Variants in FRMPD4 observed in about 807,000 individuals in gnomAD.
The protein encoded by FRMPD4 is FERM and PDZ domain-containing protein 4.
Under a neutral mutation model 94.1 loss-of-function variants are expected in FRMPD4, and 22 were observed. The ratio of observed to expected loss-of-function variants is 0.23; its 90% CI spans 0.17 to 0.33. The LOEUF (loss-of-function observed/expected upper bound fraction) is 0.33, where lower values mean the gene tolerates loss of function less well. Ranked by LOEUF, FRMPD4 falls within the 10% of genes least tolerant of loss-of-function variation. The pLI is 1.00. For synonymous variants in FRMPD4, 631 were observed against 548.6 expected (o/e 1.15, Z -2.10); for missense variants, 1,111 against 1,339.9 (o/e 0.83, Z 2.67).
chrX:12,156,493 T>C (rs1232180514), intron 1 of FRMPD4, among the ~76,000 whole-genome samples: 1 of 111,670 alleles, frequency 9.0e-6, no homozygotes, highest in Non-Finnish European at 1.9e-5. Flanking sequence ...ACGGACTGAT[T>C]CATCGGCTGG....
intron 2 of FRMPD4, among the ~76,000 whole-genome samples, chrX:11,874,070 G>A (rs2053769807): frequency 8.9e-6 from 1 of 111,837 alleles, no homozygotes; most frequent in Admixed American, 9.4e-5. Flanking sequence ...AAACAAAACA[G>A]GATGGTTGTG....
intron 4 of FRMPD4, among the ~76,000 whole-genome samples, chrX:12,672,880 G>A (rs184154098): frequency 8.9e-5 from 10 of 111,954 alleles, no homozygotes; most frequent in Non-Finnish European, 1.3e-4. Flanking sequence ...AATGATGATC[G>A]ATATCCTGCT....
intron 1 of FRMPD4, among the ~76,000 whole-genome samples, chrX:12,437,606 T>G (rs1028858321): frequency 4.5e-5 from 5 of 111,632 alleles, no homozygotes; most frequent in African/African-American, 1.6e-4. Context: ...CCTCAGAACT[T>G]TTTCAGTTTT....
intron 2 of FRMPD4, among the ~76,000 whole-genome samples, chrX:12,545,620 G>C (rs1422906317): frequency 8.9e-6 from 1 of 112,815 alleles, no homozygotes. Context: ...GCCAGGCTGG[G>C]GGGATGGGCT....
intron 3 of FRMPD4, among the ~76,000 whole-genome samples, chrX:11,915,148 C>T (rs2054018016): frequency 8.9e-6 from 1 of 112,335 alleles, no homozygotes; most frequent in African/African-American, 3.2e-5. Context: ...GGATGTTAAC[C>T]TTGCAAATAT....
At chrX:12,433,095 GTCAGTTTGAAAA>G (rs1427272285) in intron 1 of FRMPD4, among the ~76,000 whole-genome samples, 1 of 112,331 alleles carries the variant, frequency 8.9e-6, no homozygotes, top group East Asian at 2.8e-4. Flanking sequence ...TACCTTAGTT[GTCAGTTTGAAAA>G]TCACGGTTGA....
intron 3 of FRMPD4, among the ~76,000 whole-genome samples, chrX:11,902,890 G>A (rs1700566805): frequency 8.9e-6 from 1 of 111,847 alleles, no homozygotes; most frequent in Admixed American, 9.5e-5. Context: ...GTAATTTGGG[G>A]GAGTGATGAT....
intron 1 of FRMPD4, among the ~76,000 whole-genome samples, chrX:12,408,939 A>G (rs978771810): frequency 1.8e-5 from 2 of 110,884 alleles, no homozygotes; most frequent in Admixed American, 1.9e-4. Context: ...CCCCTTGGCT[A>G]GTAGAGAGTG....
intron 1 of FRMPD4, among the ~76,000 whole-genome samples, chrX:12,199,761 G>A (rs887386339): frequency 2.7e-5 from 3 of 111,854 alleles, no homozygotes; most frequent in African/African-American, 6.5e-5. Flanking sequence ...TTCAGAGCTC[G>A]CTGTGCAAGG....
Position 12,718,764 on chromosome X carries a change from G to A in FRMPD4, c.3938G>A (p.Arg1313Gln), listed in dbSNP as rs759503727. 69 of 1,197,884 alleles carry A rather than the reference G, an allele frequency of 5.8e-5. No homozygotes were observed. Among genetic ancestry groups the A allele is most frequent in the South Asian group, 4.1e-4 (23 of 56,294 alleles). The change falls in exon 16 of 17, where the codon CGG becomes CAG. Residue 1313 changes from arginine to glutamine, a missense_variant. Physicochemically the swap from Arg to Gln is conservative, Grantham distance 43. Coordinates refer to ENST00000675598, the MANE Select transcript of FRMPD4 (RefSeq NM_001368397.1). Reference sequence around the variant, plus strand: ...GGCACATTGAGAGATGGATGCCATCGGCTCCCCAAGATTAAGGAAACCACA... The same window carrying A: ...GGCACATTGAGAGATGGATGCCATCAGCTCCCCAAGATTAAGGAAACCACA... ...LFGTLRDGCH[R>Q]LPKIKETTAL...
At chrX:12,189,754 TA>T (rs1224059542) in intron 1 of FRMPD4, among the ~76,000 whole-genome samples, 1 of 111,340 alleles carries the variant, frequency 9.0e-6, no homozygotes, top group Non-Finnish European at 1.9e-5. Context: ...AGAATGCACA[TA>T]AAAAACGTAC....
At position 12,701,870 on chromosome X, in the gene FRMPD4, G is replaced by A; in HGVS notation, c.934-4G>A. Reference sequence around the variant, plus strand: ...AGCTGTGCCCCCTGCTGGTCTCTTCGCAGAGTTGTAACGATGTGGTTCAGG... The same window carrying A: ...AGCTGTGCCCCCTGCTGGTCTCTTCACAGAGTTGTAACGATGTGGTTCAGG... On this transcript the variant is annotated splice_polypyrimidine_tract_variant and splice_region_variant and intron_variant, in intron 9 of 16. Coordinates refer to ENST00000675598, the MANE Select transcript of FRMPD4 (RefSeq NM_001368397.1). 2 of 1,210,670 alleles carry A rather than the reference G, an allele frequency of 1.7e-6. No individual in the cohort carries two copies. Among genetic ancestry groups the A allele is most frequent in the African/African-American group, 1.7e-5 (1 of 57,914 alleles).
chrX:12,245,457 T>C (rs1034163557), intron 1 of FRMPD4, among the ~76,000 whole-genome samples: 1 of 109,755 alleles, frequency 9.1e-6, no homozygotes, highest in Non-Finnish European at 1.9e-5. Flanking sequence ...GTAATGATAA[T>C]TGACGTCACC....
intron 13 of FRMPD4, among the ~76,000 whole-genome samples, chrX:12,707,918 C>T (rs2041909365): frequency 8.9e-6 from 1 of 112,145 alleles, no homozygotes; most frequent in Admixed American, 9.4e-5. Context: ...TAGGTCCCTT[C>T]TGACTTTAGA....
At chrX:12,251,094 G>A (rs140106032) in intron 1 of FRMPD4, among the ~76,000 whole-genome samples, 48 of 112,328 alleles carry the variant, frequency 4.3e-4, no homozygotes, top group African/African-American at 1.4e-3. Flanking sequence ...GTTCAGAAAT[G>A]TGCTTTTCTG....
intron 1 of FRMPD4, among the ~76,000 whole-genome samples, chrX:11,830,584 C>T (rs2053469445): frequency 9.0e-6 from 1 of 111,715 alleles, no homozygotes; most frequent in Admixed American, 9.5e-5. Context: ...CTCATTAATT[C>T]GTAGTAAGCT....
chrX:12,294,029 T>C (rs1257596114), intron 1 of FRMPD4, among the ~76,000 whole-genome samples: 1 of 111,948 alleles, frequency 8.9e-6, no homozygotes, highest in East Asian at 2.8e-4. Context: ...CCACATAAGC[T>C]TGTGCTCTAC....
intron 1 of FRMPD4, among the ~76,000 whole-genome samples, chrX:12,363,492 G>A (rs985343549): frequency 1.9e-4 from 21 of 112,345 alleles, no homozygotes; most frequent in Admixed American, 1.1e-3. Flanking sequence ...GGAGAGGGAT[G>A]TCAGAAAATT....
intron 1 of FRMPD4, among the ~76,000 whole-genome samples, chrX:12,254,666 A>G (rs1343742682): frequency 3.6e-5 from 4 of 112,159 alleles, no homozygotes; most frequent in African/African-American, 1.3e-4. Flanking sequence ...AAGTGTAGAA[A>G]AGAACCTCAC....
Sources: allele counts gnomAD v4.1 joint callset (sites outside exome capture counted in the v4.1 genomes callset), GRCh38; gene constraint gnomAD v4.1.1; transcripts MANE v1.5; gene names NCBI Gene and HGNC (gene_info 2026-07-23, HGNC 2026-07-21).